Variants in INTS9 observed in about 807,000 individuals in gnomAD.
INTS9 encodes protein related to CPSF subunits of 74 kDa.
A neutral mutation model predicts 79.7 loss-of-function variants in INTS9; 55 were observed. The observed-to-expected ratio is 0.69, with a 90% confidence interval of 0.56 to 0.86. The LOEUF (loss-of-function observed/expected upper bound fraction) is 0.86. Among genes scored for constraint, INTS9 ranks in the 40% least tolerant of loss-of-function variants. INTS9 has a pLI of 0.00. For missense variants in INTS9, 721 were observed against 831.5 expected (o/e 0.87, Z 1.64); for synonymous variants, 319 against 325.2 (o/e 0.98, Z 0.20).
In INTS9 at chr8:28,776,229, G is replaced by A. The variant is rs945757822; in HGVS notation, c.1396-303C>T. On this transcript the variant is annotated intron_variant, in intron 13 of 16. Transcript: ENST00000521022. ...CTCCCAGCGGTCTCTGGGCTTCCTC[G>A]GGGCACGGTCTTTCTCTAACATTCC... is the stretch of plus-strand genomic sequence containing the variant. The A allele has an allele frequency of 3.0e-5, 8 of 268,162 alleles. No individual in the cohort carries two copies. The East Asian group carries it at 4.8e-4, about 16-fold the overall frequency. 16.6% of individuals were successfully genotyped at this position (268,162 alleles called of 1,614,324 possible).
At position 28,790,614 on chromosome 8, in the gene INTS9, C is replaced by T. The variant is rs370155148; in HGVS notation, c.1038-2725G>A. Among the ~76,000 whole-genome samples, 14 of 152,322 alleles carry T rather than the reference C, an allele frequency of 9.2e-5. No individual in the cohort carries two copies. In the East Asian group the frequency reaches 9.7e-4, roughly 11 times the overall value. Reference sequence around the variant, plus strand: ...AAGTGCTGGGATTACAGGTGTGAGCCACCCTGATCGGCCTCTTCTACTTCT... The same window carrying T: ...AAGTGCTGGGATTACAGGTGTGAGCTACCCTGATCGGCCTCTTCTACTTCT... On this transcript the variant is annotated intron_variant, in intron 10 of 16. Coordinates refer to ENST00000521022, the MANE Select transcript of INTS9 (RefSeq NM_018250.4).
intron 10 of INTS9, 132 bp downstream of exon 10, chr8:28,793,675 T>C: frequency 1.1e-6 from 1 of 889,572 alleles, no homozygotes; most frequent in Non-Finnish European, 1.6e-6. Context: ...TGCAATCTTA[T>C]CACAGACAGA....
rs1803221993 is a variant in INTS9 at position 28,780,917 on chromosome 8, C to T, written c.1176G>A (p.Val392=). 4 of 1,613,846 alleles carry T rather than the reference C, an allele frequency of 2.5e-6. No individual in the cohort carries two copies. Among genetic ancestry groups the T allele is most frequent in the African/African-American group, 1.3e-5 (1 of 74,918 alleles). The change falls in exon 12 of 17, where the codon GTG becomes GTA. Residue 392 remains valine (V), a synonymous_variant. Transcript: ENST00000521022. ...GGAGGGAAGGGTGCCCGGTGAACAC[C>T]ACACAGGGCTGTCTAAAGTCGTTGC... ...DFSNDFRQPC[V]VFTGHPSLRF... is the part of the protein sequence containing the mutation.
chr8:28,881,099 G>A (rs1159088917), intron 1 of INTS9, among the ~76,000 whole-genome samples: 15 of 146,672 alleles, frequency 1.0e-4, no homozygotes, highest in East Asian at 6.4e-4. Flanking sequence ...TCTCCGCCCG[G>A]CAGCCACCCC....
At chr8:28,834,380 A>G (rs762784918) in intron 6 of INTS9, among the ~76,000 whole-genome samples, 14 of 152,078 alleles carry the variant, frequency 9.2e-5, no homozygotes, top group Non-Finnish European at 1.6e-4. Context: ...CAACAATATA[A>G]AACTCAAACT....
intron 1 of INTS9, among the ~76,000 whole-genome samples, chr8:28,869,727 A>G (rs761477744): frequency 2.6e-5 from 4 of 152,172 alleles, no homozygotes; most frequent in Non-Finnish European, 2.9e-5. Context: ...AAATGTGCCA[A>G]TCATACTCAC....
intron 3 of INTS9, 141 bp downstream of exon 3, chr8:28,850,072 A>G (rs1807743960): frequency 7.4e-6 from 4 of 542,640 alleles, no homozygotes; most frequent in Non-Finnish European, 9.9e-6. Context: ...TGTTCTGAAG[A>G]CCCTAGCATA....
intron 1 of INTS9, among the ~76,000 whole-genome samples, chr8:28,864,794 C>A (rs1808646093): frequency 6.6e-6 from 1 of 151,918 alleles, no homozygotes. Flanking sequence ...CGCCTGTAAT[C>A]CTAACATTTT....
At chr8:28,773,458 C>T (rs1300662082) in intron 14 of INTS9, among the ~76,000 whole-genome samples, 26 of 57,422 alleles carry the variant, frequency 4.5e-4, no homozygotes, top group African/African-American at 1.6e-3. Context: ...AGCGAGACTC[C>T]GTCTCAAAAA....
intron 1 of INTS9, among the ~76,000 whole-genome samples, chr8:28,870,686 C>A (rs1307978796): frequency 6.6e-6 from 1 of 152,118 alleles, no homozygotes; most frequent in East Asian, 1.9e-4. Flanking sequence ...CAAAATCAAT[C>A]ATAAAGCATA....
At chr8:28,889,670 A>G (rs1282784344) in intron 1 of INTS9, among the ~76,000 whole-genome samples, 1 of 152,180 alleles carries the variant, frequency 6.6e-6, no homozygotes, top group Non-Finnish European at 1.5e-5. Flanking sequence ...GAGTGAAAAA[A>G]GACCTCCTGG....
intron 6 of INTS9, among the ~76,000 whole-genome samples, chr8:28,831,315 G>A (rs1271478559): frequency 5.9e-5 from 9 of 152,188 alleles, no homozygotes; most frequent in African/African-American, 1.7e-4. Flanking sequence ...GGGAGTGTGC[G>A]GGGGAAGGGG....
chr8:28,866,244 A>G (rs137870573), intron 1 of INTS9, among the ~76,000 whole-genome samples: 102 of 152,186 alleles, frequency 6.7e-4, no homozygotes, highest in African/African-American at 2.3e-3. Context: ...TATTATGACT[A>G]CTCATCCTAA....
intron 11 of INTS9, among the ~76,000 whole-genome samples, chr8:28,784,893 C>T (rs1195740952): frequency 6.6e-6 from 1 of 152,214 alleles, no homozygotes; most frequent in African/African-American, 2.4e-5. Context: ...CAAACTAGAT[C>T]TTTCTTCTTC....
Position 28,793,833 on chromosome 8 carries a change from C to T in INTS9, c.1011G>A (p.Leu337=). The stretch of plus-strand genomic sequence containing the variant: ...ACTCAGCAAAGATCTGGGAAAACTC[C>T]AGTGAACTGTTGGCCACAGGGGAGA... ...YFISPVANSS[L]EFSQIFAEWL... Residue 337 remains leucine, a synonymous_variant, in exon 10 of 17, where the codon CTG becomes CTA. Coordinates refer to ENST00000521022, the MANE Select transcript of INTS9 (RefSeq NM_018250.4). The T allele has an allele frequency of 6.2e-7, 1 of 1,611,500 alleles. No individual in the cohort carries two copies. Among genetic ancestry groups the T allele is most frequent in the Non-Finnish European group, 8.5e-7 (1 of 1,179,174 alleles).
At chr8:28,788,261 A>C (rs1432910364) in intron 10 of INTS9, among the ~76,000 whole-genome samples, 2 of 152,194 alleles carry the variant, frequency 1.3e-5, no homozygotes, top group Non-Finnish European at 2.9e-5. Context: ...GCCAATGACA[A>C]TCAACTAAAC....
chr8:28,789,456 AG>A (rs780119605), intron 10 of INTS9, among the ~76,000 whole-genome samples: 8,068 of 152,174 alleles, frequency 0.053, 293 homozygotes, highest in Non-Finnish European at 0.079. Flanking sequence ...AGAGTTCAAA[AG>A]GAGATCTGTG....
intron 1 of INTS9, among the ~76,000 whole-genome samples, chr8:28,880,026 A>G (rs1809616577): frequency 6.6e-6 from 1 of 152,098 alleles, no homozygotes. Context: ...AATTTTACAT[A>G]TTACATATTA....
At chr8:28,871,361 A>G (rs1181330894) in intron 1 of INTS9, among the ~76,000 whole-genome samples, 2 of 152,168 alleles carry the variant, frequency 1.3e-5, no homozygotes, top group African/African-American at 4.8e-5. Context: ...CTGAGCAAGG[A>G]ATTTCTAAAA....
Sources: gnomAD v4.1 joint callset for allele counts (sites outside exome capture counted in the v4.1 genomes callset) on GRCh38, gnomAD v4.1.1 for gene constraint, MANE v1.5 for transcripts, NCBI Gene and HGNC (gene_info 2026-07-23, HGNC 2026-07-21) for gene names.